INPP4B: variants seen among roughly 807,000 people sequenced by gnomAD.
INPP4B encodes the protein inositol polyphosphate-4-phosphatase type II B, also known as inositol polyphosphate 4-phosphatase type II.
In INPP4B, 55 loss-of-function variants were observed where a neutral mutation model predicts 122.5. The ratio of observed to expected loss-of-function variants is 0.45; its 90% CI spans 0.36 to 0.56. The LOEUF is 0.56. Among genes scored for constraint, INPP4B ranks in the 20% least tolerant of loss-of-function variants. The pLI, the probability that INPP4B is intolerant of heterozygous loss-of-function variation, is 0.00. For synonymous variants in INPP4B, 403 were observed against 388.7 expected (o/e 1.04, Z -0.43); for missense variants, 1,000 against 1,097.7 (o/e 0.91, Z 1.26).
In INPP4B at chr4:142,145,832, T is replaced by A. The variant is rs1382182178; in HGVS notation, c.1720+8A>T. 2 of 1,611,766 alleles carry A rather than the reference T, an allele frequency of 1.2e-6. No homozygotes were observed. Among genetic ancestry groups the A allele is most frequent in the Non-Finnish European group, 1.7e-6 (2 of 1,179,008 alleles). ...AGTAAATGATTGGGAAAAAAAATTA[T>A]TTCTTACCTCTTGGGTGAGAGGGAA... On this transcript the variant is annotated splice_region_variant and intron_variant, in intron 18 of 25. Transcript: ENST00000262992.
chr4:142,560,600 C>G (rs1322753816), intron 2 of INPP4B: 1 of 152,150 alleles, frequency 6.6e-6, no homozygotes, highest in Non-Finnish European at 1.5e-5. Context: ...CCTGGCAAAC[C>G]ACTGGTGTAA....
chr4:142,288,804 T>C (rs982351475), intron 9 of INPP4B, among the ~76,000 whole-genome samples: 2 of 152,184 alleles, frequency 1.3e-5, no homozygotes, highest in African/African-American at 4.8e-5. Flanking sequence ...ATGGGGATAA[T>C]AATATATTAC....
intron 2 of INPP4B, among the ~76,000 whole-genome samples, chr4:142,645,395 C>A (rs1248055464): frequency 6.6e-6 from 1 of 152,144 alleles, no homozygotes; most frequent in Non-Finnish European, 1.5e-5. Context: ...TTCCAAATAT[C>A]CATTCTTCCT....
chr4:142,706,690 G>A (rs936990525), intron 2 of INPP4B, among the ~76,000 whole-genome samples: 1 of 152,184 alleles, frequency 6.6e-6, no homozygotes, highest in African/African-American at 2.4e-5. Context: ...TTTAAAGCAG[G>A]GATCTCACAT....
intron 23 of INPP4B, among the ~76,000 whole-genome samples, chr4:142,101,207 T>C (rs1430152866): frequency 1.3e-5 from 2 of 152,132 alleles, no homozygotes; most frequent in Admixed American, 6.6e-5. Context: ...CACATTGGGA[T>C]GTTGTGAGTA....
At chr4:142,748,074 T>G (rs1327801269) in intron 1 of INPP4B, among the ~76,000 whole-genome samples, 13 of 152,008 alleles carry the variant, frequency 8.6e-5, no homozygotes. Context: ...CTTCCTAAAC[T>G]GAAATTAACT....
rs183621609 is a variant in INPP4B, at chr4:142,445,583, T to C, written c.-126-14198A>G. 2.3e-3 allele frequency among the ~76,000 whole-genome samples: 353 copies of C among 152,184 alleles called. 4 individuals carry two copies. Among genetic ancestry groups the C allele is most frequent in the African/African-American group, 7.9e-3 (327 of 41,502 alleles). On this transcript the variant is annotated intron_variant, in intron 3 of 25. Transcript: ENST00000262992. ...GAAGCAAAAACTGACAGAAGTGAAA[T>C]AGACAAATCCACAATACTTGAGGAC...
intron 9 of INPP4B, among the ~76,000 whole-genome samples, chr4:142,275,626 G>C (rs897872587): frequency 5.3e-5 from 8 of 151,798 alleles, no homozygotes; most frequent in Admixed American, 2.0e-4. Context: ...GCTCACAGAA[G>C]TTAGATTTAT....
intron 15 of INPP4B, among the ~76,000 whole-genome samples, 169 bp from the exon 16 acceptor site, chr4:142,173,978 C>T (rs10002140): frequency 0.1 from 15,149 of 151,886 alleles, 1,115 homozygotes; most frequent in African/African-American, 0.2. Context: ...TGTAAGGTGA[C>T]GAAAATGCTT....
intron 8 of INPP4B, among the ~76,000 whole-genome samples, chr4:142,309,757 T>C (rs1026648820): frequency 3.3e-5 from 5 of 152,240 alleles, no homozygotes; most frequent in Non-Finnish European, 2.9e-5. Context: ...TCAGTTATTC[T>C]GGTGCAAGAA....
At chr4:142,383,090 T>G (rs1423773682) in intron 7 of INPP4B, among the ~76,000 whole-genome samples, 1 of 152,132 alleles carries the variant, frequency 6.6e-6, no homozygotes, top group Non-Finnish European at 1.5e-5. Context: ...TGGATTGTGT[T>G]GATAGATGTA....
At chr4:142,749,355 C>A (rs983904655) in intron 1 of INPP4B, among the ~76,000 whole-genome samples, 5 of 147,910 alleles carry the variant, frequency 3.4e-5, no homozygotes, top group African/African-American at 9.9e-5. Flanking sequence ...GTGGTCTAAA[C>A]GTGTTCTTTA....
In INPP4B at chr4:142,108,082, C is replaced by T. The variant is rs762318507; in HGVS notation, c.2374+11G>A. 3.7e-6 allele frequency: 5 copies of T among 1,347,834 alleles called. No homozygotes were observed. The highest frequency in any genetic ancestry group is 5.3e-6 in the Non-Finnish European group (5 of 943,422). 83.5% of individuals were successfully genotyped at this position (1,347,834 alleles called of 1,614,324 possible). On this transcript the variant is annotated intron_variant, in intron 23 of 25. Coordinates refer to ENST00000262992, the MANE Select transcript of INPP4B (RefSeq NM_001101669.3). ...GCTATTATTGCTGTCTTCTCTAACT[C>T]ACATACTTACAATCAGGAGGCATCT...
At chr4:142,739,021 A>G (rs1580809057) in intron 1 of INPP4B, among the ~76,000 whole-genome samples, 1 of 152,258 alleles carries the variant, frequency 6.6e-6, no homozygotes, top group East Asian at 1.9e-4. Flanking sequence ...GTAATACAGG[A>G]TTCTTGCCTC....
intron 2 of INPP4B, among the ~76,000 whole-genome samples, chr4:142,626,061 A>G (rs1746312874): frequency 6.6e-6 from 1 of 152,194 alleles, no homozygotes; most frequent in South Asian, 2.1e-4. Context: ...ACCATTCAGG[A>G]CATAGGCATG....
Position 142,550,618 on chromosome 4 carries a change from ATATTT to A in INPP4B, c.-190-87897_-190-87893del, listed in dbSNP as rs779631701. ...CACACACACACACATATATATATAT[ATATTT>A]TTTTTTTTACTTTACTGGCAAGAAA... On this transcript the variant is annotated intron_variant, in intron 2 of 25. Coordinates refer to ENST00000262992, the MANE Select transcript of INPP4B (RefSeq NM_001101669.3). Among the ~76,000 whole-genome samples the A allele has an allele frequency of 0.024, 931 of 38,486 alleles. 31 individuals carry two copies. The East Asian group carries it at 0.28, about 11-fold the overall frequency. 25.2% of individuals were successfully genotyped at this position (38,486 alleles called of 152,430 possible).
chr4:142,730,332 T>C lies in INPP4B; in HGVS notation c.-253-4431A>G, dbSNP rs185105387. ...CACAATTTGTGTTTTAAGAAACTCA[T>C]GGGGGAAACAGCTAAAAATTATACA... On this transcript the variant is annotated intron_variant, in intron 1 of 25. Coordinates refer to ENST00000262992, the MANE Select transcript of INPP4B (RefSeq NM_001101669.3). 4.1e-4 allele frequency among the ~76,000 whole-genome samples: 62 copies of C among 152,302 alleles called. No individual in the cohort carries two copies. In the East Asian group the frequency reaches 7.0e-3, roughly 17 times the overall value.
intron 25 of INPP4B, among the ~76,000 whole-genome samples, chr4:142,075,300 T>C (rs950543552): frequency 6.6e-6 from 1 of 151,930 alleles, no homozygotes; most frequent in African/African-American, 2.4e-5. Flanking sequence ...AATTACAGGA[T>C]ATCCTAACTT....
intron 2 of INPP4B, among the ~76,000 whole-genome samples, chr4:142,659,776 A>T (rs762708191): frequency 1.3e-5 from 2 of 152,288 alleles, no homozygotes; most frequent in Admixed American, 1.3e-4. Flanking sequence ...GCAAACACTC[A>T]TCTGGGTGTC....
Sources: gnomAD v4.1 joint callset for allele counts (sites outside exome capture counted in the v4.1 genomes callset) on GRCh38, gnomAD v4.1.1 for gene constraint, MANE v1.5 for transcripts, NCBI Gene and HGNC (gene_info 2026-07-23, HGNC 2026-07-21) for gene names.